Variants in MPP7 observed in about 807,000 individuals in gnomAD.
The protein encoded by MPP7 is MAGUK p55 scaffold protein 7.
In MPP7, 60 loss-of-function variants were observed where a neutral mutation model predicts 76.5. The observed-to-expected ratio is 0.78, with a 90% CI of 0.64 to 0.97. The LOEUF is 0.97. Ranked by LOEUF, MPP7 falls within the 50% of genes least tolerant of loss-of-function variation. The pLI is 0.00. For missense variants in MPP7, 641 were observed against 694.0 expected, an observed-to-expected ratio of 0.92 and a Z score of 0.86; for synonymous variants, 237 against 244.5, an observed-to-expected ratio of 0.97 and a Z score of 0.29.
chr10:28,316,815 G>C, intron 2 of MPP7, among the ~76,000 whole-genome samples: 1 of 152,112 alleles, frequency 6.6e-6, no homozygotes, highest in South Asian at 2.1e-4. Flanking sequence ...CCTGTACGGC[G>C]CTCGCTGCCT....
rs1365664621 is a variant in MPP7 at position 28,259,825 on chromosome 10, T to G, written c.-131-21090A>C. 2.0e-5 allele frequency among the ~76,000 whole-genome samples: 3 copies of G among 151,788 alleles called. No individual in the cohort carries two copies. The East Asian group carries it at 5.9e-4, about 30-fold the overall frequency. ...ACAAAATCCCATCTCTACAAAAAAA[T>G]ACAAAAAATTAGCCAGGCACGGTGG... On this transcript the variant is annotated intron_variant, in intron 1 of 16. Transcript: ENST00000683449.
chr10:28,109,847 G>GAAA (rs1834438755), intron 11 of MPP7, among the ~76,000 whole-genome samples: 1 of 3,004 alleles, frequency 3.3e-4, no homozygotes, highest in Non-Finnish European at 9.2e-4. Context: ...AGCCGCAGAC[G>GAAA]CAAAAAAAAA....
At chr10:28,177,041 G>A (rs1315172559) in intron 3 of MPP7, among the ~76,000 whole-genome samples, 7 of 148,444 alleles carry the variant, frequency 4.7e-5, no homozygotes, top group Admixed American at 1.3e-4. Context: ...AAAAAAAAAA[G>A]AAAGAAAAGA....
intron 2 of MPP7, among the ~76,000 whole-genome samples, chr10:28,323,834 C>A (rs529386130): frequency 1.3e-5 from 2 of 152,238 alleles, no homozygotes; most frequent in Admixed American, 6.5e-5. Flanking sequence ...TGGCATAATA[C>A]GCCACCTCTT....
chr10:28,143,132 T>C (rs1333511849), intron 5 of MPP7, among the ~76,000 whole-genome samples: 1 of 152,164 alleles, frequency 6.6e-6, no homozygotes, highest in Admixed American at 6.5e-5. Flanking sequence ...AGTAGTGCAT[T>C]CTATGATCCC....
At chr10:28,072,234 A>G (rs1235660726) in intron 12 of MPP7, among the ~76,000 whole-genome samples, 1 of 152,196 alleles carries the variant, frequency 6.6e-6, no homozygotes, top group African/African-American at 2.4e-5. Flanking sequence ...AGATTGCACC[A>G]CTGCACTCCA....
intron 11 of MPP7, among the ~76,000 whole-genome samples, chr10:28,104,236 T>G (rs1853968445): frequency 6.6e-6 from 1 of 151,822 alleles, no homozygotes; most frequent in African/African-American, 2.4e-5. Flanking sequence ...GGATGAATAT[T>G]CATAATATAA....
intron 12 of MPP7, among the ~76,000 whole-genome samples, chr10:28,077,042 G>A (rs1292289186): frequency 2.1e-5 from 3 of 144,138 alleles, no homozygotes; most frequent in African/African-American, 7.8e-5. Flanking sequence ...AGTGAGATAG[G>A]TCTAGCACTT....
rs1262000132 is a variant in MPP7 at position 28,262,253 on chromosome 10, ATATATG to A, written c.-131-23524_-131-23519del. Reference sequence around the variant, plus strand: ...TATATATATATATATACATATATATATATATGTATATATATATATATATATTTTTTT... The same window carrying A: ...TATATATATATATATACATATATATATATATATATATATATATATTTTTTT... On this transcript the variant is annotated intron_variant, in intron 1 of 16. Transcript: ENST00000683449. 5.9e-4 allele frequency among the ~76,000 whole-genome samples: 32 copies of A among 54,700 alleles called. 3 individuals carry two copies. The highest frequency in any genetic ancestry group is 3.1e-3 in the African/African-American group (30 of 9,674). The allele number at this position is 54,700 out of a possible 152,430, so 35.9% of individuals were successfully genotyped here. A position where few individuals can be genotyped will look rare whatever the true frequency, so the allele number is the denominator to read the frequency against.
chr10:28,139,934 A>G (rs1163546024), intron 5 of MPP7, among the ~76,000 whole-genome samples: 1 of 152,200 alleles, frequency 6.6e-6, no homozygotes, highest in Non-Finnish European at 1.5e-5. Flanking sequence ...AAAAAGGTTA[A>G]CAGGTTGTAT....
chr10:28,167,584 T>C (rs759749272), intron 3 of MPP7, among the ~76,000 whole-genome samples: 17 of 152,194 alleles, frequency 1.1e-4, no homozygotes, highest in Admixed American at 3.3e-4. Context: ...ACCATATCCA[T>C]GTAACAAACC....
At chr10:28,202,363 A>C in intron 2 of MPP7, 92 bp from the exon 3 acceptor site, 1 of 782,876 alleles carries the variant, frequency 1.3e-6, no homozygotes, top group Admixed American at 2.6e-5. Context: ...GGAACATGCC[A>C]ATTTTACTGG....
intron 3 of MPP7, among the ~76,000 whole-genome samples, chr10:28,155,405 C>CA (rs1383342389): frequency 6.6e-6 from 1 of 152,028 alleles, no homozygotes; most frequent in East Asian, 1.9e-4. Flanking sequence ...GCCTGGGTAA[C>CA]ATGGTGAAAC....
intron 1 of MPP7, among the ~76,000 whole-genome samples, chr10:28,294,651 G>A (rs1445787562): frequency 6.6e-6 from 1 of 152,118 alleles, no homozygotes. Flanking sequence ...ACAGTGCCAG[G>A]AAATGAGGTT....
At chr10:28,097,334 AAATAAT>A (rs753639400) in intron 11 of MPP7, among the ~76,000 whole-genome samples, 1 of 151,992 alleles carries the variant, frequency 6.6e-6, no homozygotes, top group Non-Finnish European at 1.5e-5. Context: ...TAATAATATC[AAATAAT>A]AATAATAATA....
chr10:28,152,446 T>C (rs1289638145), intron 3 of MPP7, among the ~76,000 whole-genome samples: 2 of 152,194 alleles, frequency 1.3e-5, no homozygotes, highest in African/African-American at 2.4e-5. Context: ...TTACTATTTA[T>C]GATAACCAAA....
chr10:28,233,741 AAAC>A (rs1804619710), intron 2 of MPP7, among the ~76,000 whole-genome samples: 2 of 149,770 alleles, frequency 1.3e-5, no homozygotes, highest in African/African-American at 4.9e-5. Context: ...AAAAAGAGAG[AAAC>A]AACACTCCAA....
At chr10:28,321,948 C>CGTGT (rs3064171) in intron 2 of MPP7, among the ~76,000 whole-genome samples, 10,168 of 143,344 alleles carry the variant, frequency 0.071, 406 homozygotes, top group Non-Finnish European at 0.089. Flanking sequence ...TTTTTGTAGA[C>CGTGT]GTGTGTGTGT....
chr10:28,259,246 G>A (rs1275898019), intron 1 of MPP7, among the ~76,000 whole-genome samples: 1 of 152,060 alleles, frequency 6.6e-6, no homozygotes, highest in Non-Finnish European at 1.5e-5. Flanking sequence ...CTTACACAGA[G>A]TTATTTTATT....
Sources: allele counts gnomAD v4.1 joint callset (sites outside exome capture counted in the v4.1 genomes callset), GRCh38; gene constraint gnomAD v4.1.1; transcripts MANE v1.5; gene names NCBI Gene and HGNC (gene_info 2026-07-23, HGNC 2026-07-21).